Variants in GPHN observed in about 807,000 individuals in gnomAD.
GPHN encodes gephyrin.
In GPHN, 17 loss-of-function variants were observed where a neutral mutation model predicts 95.5. The observed-to-expected ratio is 0.18, with a 90% CI of 0.12 to 0.27. GPHN has a LOEUF of 0.27. Among genes scored for constraint, GPHN ranks in the 10% least tolerant of loss-of-function variants. The pLI is 1.00. For missense variants in GPHN, 660 were observed against 978.1 expected, an observed-to-expected ratio of 0.67 and a Z score of 4.34; for synonymous variants, 320 against 322.5, an observed-to-expected ratio of 0.99 and a Z score of 0.08.
At chr14:67,455,039 G>A in the GPHN span, among the ~76,000 whole-genome samples, 12 of 152,276 alleles carry the variant, frequency 7.9e-5, no homozygotes, top group South Asian at 8.3e-4. Context: ...TAGTAGAGAC[G>A]GGGTTTCACC....
At chr14:67,116,829 T>C (rs1250889660) in intron 16 of GPHN, among the ~76,000 whole-genome samples, 1 of 152,262 alleles carries the variant, frequency 6.6e-6, no homozygotes, top group Non-Finnish European at 1.5e-5. Flanking sequence ...AAGATCTAAA[T>C]GTTTCTCTTC....
At chr14:67,301,921 C>T in the GPHN span, 1 of 1,544,666 alleles carries the variant, frequency 6.5e-7, no homozygotes, top group African/African-American at 1.4e-5. Flanking sequence ...AATCACTCTG[C>T]AGAAATAAAT....
At chr14:67,724,691 G>T in the GPHN span, 1 of 931,582 alleles carries the variant, frequency 1.1e-6, no homozygotes. Flanking sequence ...CTAGGCTTGG[G>T]GGCTCTGACT....
At chr14:67,187,329 A>G in the GPHN span, among the ~76,000 whole-genome samples, 1 of 152,110 alleles carries the variant, frequency 6.6e-6, no homozygotes, top group African/African-American at 2.4e-5. Context: ...CCTGTAGTTT[A>G]TTTCCTAGTT....
intron 2 of GPHN, among the ~76,000 whole-genome samples, chr14:66,740,819 C>T (rs2072738178): frequency 6.6e-6 from 1 of 152,112 alleles, no homozygotes; most frequent in African/African-American, 2.4e-5. Flanking sequence ...AGCTGAGAGT[C>T]TTCATTTAGG....
At chr14:67,400,068 T>G in the GPHN span, among the ~76,000 whole-genome samples, 1 of 152,240 alleles carries the variant, frequency 6.6e-6, no homozygotes, top group Non-Finnish European at 1.5e-5. Flanking sequence ...GCTATGATTC[T>G]ATTCCACACT....
At chr14:67,242,321 G>A in the GPHN span, among the ~76,000 whole-genome samples, 3 of 152,176 alleles carry the variant, frequency 2.0e-5, no homozygotes, top group Non-Finnish European at 2.9e-5. Flanking sequence ...GATGTAGTAT[G>A]GAGTGTGTGT....
downstream of GPHN, among the ~76,000 whole-genome samples, chr14:67,186,331 C>T (rs2083368513): frequency 6.6e-6 from 1 of 152,122 alleles, no homozygotes; most frequent in South Asian, 2.1e-4. Context: ...AGGCCTAAAT[C>T]AGATTCAGTG....
At chr14:66,682,521 G>C (rs2066998383) in intron 2 of GPHN, among the ~76,000 whole-genome samples, 1 of 152,174 alleles carries the variant, frequency 6.6e-6, no homozygotes. Flanking sequence ...GGAGGCTGAG[G>C]TGGGTAGATC....
chr14:67,481,756 C>G, the GPHN span, among the ~76,000 whole-genome samples: 9,976 of 152,260 alleles, frequency 0.066, 380 homozygotes, highest in African/African-American at 0.088. Context: ...ACCCACCCGA[C>G]TCCCTATATC....
chr14:66,778,872 A>G (rs1020735859), intron 3 of GPHN, among the ~76,000 whole-genome samples: 1 of 150,888 alleles, frequency 6.6e-6, no homozygotes, highest in African/African-American at 2.4e-5. Flanking sequence ...AGTAGCTTGG[A>G]TTATAGGCAC....
At chr14:67,159,609 A>T (rs2081844805) in intron 19 of GPHN, 121 bp downstream of exon 19, 1 of 752,480 alleles carries the variant, frequency 1.3e-6, no homozygotes, top group South Asian at 1.4e-5. Flanking sequence ...AAAAAAAAGA[A>T]ATATAGTATT....
chr14:67,644,618 G>A, the GPHN span, among the ~76,000 whole-genome samples: 1 of 152,286 alleles, frequency 6.6e-6, no homozygotes, highest in South Asian at 2.1e-4. Flanking sequence ...TTCATCAGGT[G>A]TATTCTTAGA....
chr14:67,601,708 C>T, the GPHN span, among the ~76,000 whole-genome samples: 1 of 151,866 alleles, frequency 6.6e-6, no homozygotes, highest in Non-Finnish European at 1.5e-5. Context: ...TCAAGATCAG[C>T]CTGGCCAACA....
At chr14:67,439,582 TTTCTTTCTTTCTTC>T in the GPHN span, among the ~76,000 whole-genome samples, 8 of 118,446 alleles carry the variant, frequency 6.8e-5, no homozygotes, top group African/African-American at 1.2e-4. Context: ...TCTTTCTTTC[TTTCTTTCTTTCTTC>T]TTTCTTTTTT....
At chr14:67,568,864 C>T in the GPHN span, among the ~76,000 whole-genome samples, 3 of 152,170 alleles carry the variant, frequency 2.0e-5, no homozygotes, top group Non-Finnish European at 2.9e-5. Flanking sequence ...AGAGAGGGAA[C>T]TGTTGGGCAC....
chr14:67,220,014 TG>T, the GPHN span, among the ~76,000 whole-genome samples: 1 of 152,222 alleles, frequency 6.6e-6, no homozygotes, highest in African/African-American at 2.4e-5. Flanking sequence ...TCACTACTGC[TG>T]TATTGCAGAG....
At chr14:67,187,885 C>G in the GPHN span, among the ~76,000 whole-genome samples, 1 of 152,176 alleles carries the variant, frequency 6.6e-6, no homozygotes, top group Admixed American at 6.5e-5. Context: ...TGTCACCCCT[C>G]TATCTTATCA....
intron 1 of GPHN, among the ~76,000 whole-genome samples, chr14:66,593,560 A>G (rs1195029042): frequency 6.6e-6 from 1 of 152,112 alleles, no homozygotes; most frequent in Non-Finnish European, 1.5e-5. Context: ...CATGCCCAAG[A>G]TCCAGTCACC....
Sources: gnomAD v4.1 joint callset for allele counts (sites outside exome capture counted in the v4.1 genomes callset) on GRCh38, gnomAD v4.1.1 for gene constraint, MANE v1.5 for transcripts, NCBI Gene and HGNC (gene_info 2026-07-23, HGNC 2026-07-21) for gene names.